Variants in NCKAP1 observed in about 807,000 individuals in gnomAD.
NCKAP1 encodes nck-associated protein 1.
NCKAP1 carries 21 observed loss-of-function variants against 151.2 expected under a neutral mutation model. The observed-to-expected ratio is 0.14, with a 90% confidence interval of 0.10 to 0.20. NCKAP1 has a LOEUF of 0.20. Among genes scored for constraint, NCKAP1 ranks in the 10% least tolerant of loss-of-function variants. The pLI, the probability that NCKAP1 is intolerant of heterozygous loss-of-function variation, is 1.00. For missense variants in NCKAP1, 933 were observed against 1,352.1 expected (o/e 0.69, Z 4.86); for synonymous variants, 484 against 451.8 (o/e 1.07, Z -0.90).
At position 182,910,543 on chromosome 2, in the gene NCKAP1, C is replaced by G. The variant is rs981500084; in HGVS notation, c.*15159G>C. 2.6e-4 allele frequency: 39 copies of G among 152,196 alleles called. No homozygotes were observed. The highest frequency in any genetic ancestry group is 8.9e-4 in the African/African-American group (37 of 41,426). 9.4% of individuals were successfully genotyped at this position (152,196 alleles called of 1,614,324 possible). A position where few individuals can be genotyped will look rare whatever the true frequency, so the allele number is the denominator to read the frequency against. On this transcript the variant is annotated 3_prime_UTR_variant, in exon 31 of 31. Transcript: ENST00000361354. ...GGAACTGCAAAGGAGAATCTCAGCT[C>G]TAGGAGAGCCTCAGACCATTCAGGA...
intron 16 of NCKAP1, among the ~76,000 whole-genome samples, chr2:182,965,027 T>G (rs927316838): frequency 6.6e-6 from 1 of 152,024 alleles, no homozygotes. Flanking sequence ...TAAAAAATAA[T>G]AAACCATAAT....
chr2:182,925,541 G>A lies in NCKAP1; in HGVS notation c.*161C>T, dbSNP rs1450447029. Reference sequence around the variant, plus strand: ...ACCTAAATCAACCAAGTATACTGTAGTACAACCATATTAAGAAACCAATGA... The same window carrying A: ...ACCTAAATCAACCAAGTATACTGTAATACAACCATATTAAGAAACCAATGA... On this transcript the variant is annotated 3_prime_UTR_variant, in exon 31 of 31. Transcript: ENST00000361354. 2.3e-6 allele frequency: 1 copy of A among 427,268 alleles called. No homozygotes were observed. Among genetic ancestry groups the A allele is most frequent in the African/African-American group, 2.1e-5 (1 of 48,262 alleles). The allele number at this position is 427,268 out of a possible 1,614,324, so 26.5% of individuals were successfully genotyped here. A position where few individuals can be genotyped will look rare whatever the true frequency, so the allele number is the denominator to read the frequency against.
intron 1 of NCKAP1, among the ~76,000 whole-genome samples, chr2:183,031,405 C>T (rs569053415): frequency 4.6e-5 from 7 of 152,170 alleles, no homozygotes; most frequent in Admixed American, 2.0e-4. Flanking sequence ...CATACCTTTG[C>T]GGTTAAAAAG....
At chr2:182,957,816 T>A (rs1389704052) in intron 18 of NCKAP1, among the ~76,000 whole-genome samples, 4 of 151,478 alleles carry the variant, frequency 2.6e-5, no homozygotes, top group Non-Finnish European at 5.9e-5. Flanking sequence ...AAATCTTGTG[T>A]GAAGAAACAC....
chr2:182,920,546 G>A lies in NCKAP1; in HGVS notation c.*5156C>T, dbSNP rs138222282. ...ATTTGTTACTATAAAAAAACTTCTTGCTTATAGTTCTGGAGGCTGGGAAGC... is the reference window on the plus strand; with the variant it reads ...ATTTGTTACTATAAAAAAACTTCTTACTTATAGTTCTGGAGGCTGGGAAGC... On this transcript the variant is annotated 3_prime_UTR_variant, in exon 31 of 31. Coordinates refer to ENST00000361354, the MANE Select transcript of NCKAP1 (RefSeq NM_013436.5). The A allele has an allele frequency of 1.7e-4, 26 of 152,282 alleles. No homozygotes were observed. The East Asian group carries it at 4.8e-3, about 28-fold the overall frequency. 9.4% of individuals were successfully genotyped at this position (152,282 alleles called of 1,614,324 possible).
chr2:182,961,339 C>G lies in NCKAP1; in HGVS notation c.1881+820G>C, dbSNP rs538683159. ...AAAGACTTGGAACCAACCCAAAGGT[C>G]CAACAATGATAGACTGGATTAAGAA... On this transcript the variant is annotated intron_variant, in intron 18 of 30. Transcript: ENST00000361354. 9.8e-5 allele frequency among the ~76,000 whole-genome samples: 15 copies of G among 152,292 alleles called. No individual in the cohort carries two copies. In the South Asian group the frequency reaches 2.9e-3, roughly 29 times the overall value.
At chr2:182,995,616 G>C in intron 7 of NCKAP1, 85 bp downstream of exon 7, 1 of 1,293,442 alleles carries the variant, frequency 7.7e-7, no homozygotes, top group Non-Finnish European at 1.1e-6. Context: ...ATGCTAATTA[G>C]AAACAAACAG....
chr2:183,002,262 T>C lies in NCKAP1; in HGVS notation c.377A>G (p.Asn126Ser). The C allele has an allele frequency of 6.5e-7, 1 of 1,532,104 alleles. No individual in the cohort carries two copies. The highest frequency in any genetic ancestry group is 8.9e-7 in the Non-Finnish European group (1 of 1,119,016). The allele number at this position is 1,532,104 out of a possible 1,614,324, so 94.9% of individuals were successfully genotyped here. A position where few individuals can be genotyped will look rare whatever the true frequency, so the allele number is the denominator to read the frequency against. Residue 126 changes from asparagine to serine, a missense_variant, in exon 5 of 31, where the codon AAC (asparagine) becomes AGC (serine). Physicochemically the swap from Asn to Ser is conservative, Grantham distance 46 (BLOSUM62 1). Coordinates refer to ENST00000361354, the MANE Select transcript of NCKAP1 (RefSeq NM_013436.5). ...TAAGTAGTTCTTTGTTAAATCAAAG[T>C]TTACAGTCTAGGAGAAAAAAAAATC... ...VCQVFFDITV[N>S]FDLTKNYLDL...
In NCKAP1 at chr2:183,038,078, G is replaced by C. The variant is rs781626462; in HGVS notation, c.22C>G (p.Pro8Ala). The C allele has an allele frequency of 6.3e-7, 1 of 1,580,938 alleles. No individual in the cohort carries two copies. The highest frequency in any genetic ancestry group is 8.5e-7 in the Non-Finnish European group (1 of 1,171,712). Residue 8 changes from proline (P) to alanine (A), a missense_variant, in exon 1 of 31, where the codon CCC becomes GCC. By Grantham distance (27) the Pro-to-Ala change is conservative. Around this residue, in one of 2 missense-constraint regions of NCKAP1, gnomAD observed 607 missense variants for 795.0 expected, o/e 0.76. Coordinates refer to ENST00000361354, the MANE Select transcript of NCKAP1 (RefSeq NM_013436.5). MSRSVLQ[P>A]SQQKLAEKLT... is the part of the protein sequence containing the mutation. Reference sequence around the variant, plus strand: ...TTCTCCGCCAGCTTCTGCTGACTGGGCTGCAGCACTGAGCGCGACATGGTG... The same window carrying C: ...TTCTCCGCCAGCTTCTGCTGACTGGCCTGCAGCACTGAGCGCGACATGGTG...
chr2:182,983,987 T>C (rs537306665), intron 10 of NCKAP1, among the ~76,000 whole-genome samples: 243 of 150,462 alleles, frequency 1.6e-3, no homozygotes, highest in South Asian at 0.01. Context: ...GCTGAGATCA[T>C]GCCACTGCAC....
At chr2:182,983,820 C>T (rs1575046808) in intron 10 of NCKAP1, among the ~76,000 whole-genome samples, 2 of 152,096 alleles carry the variant, frequency 1.3e-5, no homozygotes, top group South Asian at 4.2e-4. Flanking sequence ...ACTGCGTGAG[C>T]TCAGGAGTTC....
At chr2:183,037,354 A>G (rs1699122653) in intron 1 of NCKAP1, among the ~76,000 whole-genome samples, 1 of 152,200 alleles carries the variant, frequency 6.6e-6, no homozygotes, top group Admixed American at 6.5e-5. Flanking sequence ...CTCACAGCCT[A>G]GAAGTATTTC....
intron 23 of NCKAP1, among the ~76,000 whole-genome samples, chr2:182,950,057 T>G (rs1375411836): frequency 2.0e-5 from 3 of 152,116 alleles, no homozygotes; most frequent in Non-Finnish European, 2.9e-5. Flanking sequence ...CGGTGACATA[T>G]GAAAAATACA....
chr2:182,967,411 C>T (rs747938169), intron 15 of NCKAP1, 50 bp from the exon 16 acceptor site: 20 of 1,487,628 alleles, frequency 1.3e-5, no homozygotes, highest in East Asian at 6.8e-5. Context: ...TAAATGACTT[C>T]GGACTTGTCA....
At chr2:182,953,529 G>A (rs2105823361) in intron 20 of NCKAP1, among the ~76,000 whole-genome samples, 198 bp from the exon 21 acceptor site, 1 of 152,336 alleles carries the variant, frequency 6.6e-6, no homozygotes, top group African/African-American at 2.4e-5. Context: ...CGGGCATGGT[G>A]GTTCACGCCT....
In NCKAP1 at chr2:182,923,697, G is replaced by C. The variant is rs1386280604; in HGVS notation, c.*2005C>G. ...TGTATGGTATGATCACATTAATGTAGAGAAAACAACAAAAATAGTATGTTG... is the reference window on the plus strand; with the variant it reads ...TGTATGGTATGATCACATTAATGTACAGAAAACAACAAAAATAGTATGTTG... On this transcript the variant is annotated 3_prime_UTR_variant, in exon 31 of 31. Coordinates refer to ENST00000361354, the MANE Select transcript of NCKAP1 (RefSeq NM_013436.5). 6.6e-6 allele frequency: 1 copy of C among 152,184 alleles called. No homozygotes were observed. The highest frequency in any genetic ancestry group is 1.9e-4 in the East Asian group (1 of 5,206). The allele number at this position is 152,184 out of a possible 1,614,324, so 9.4% of individuals were successfully genotyped here.
At chr2:183,024,007 T>A in intron 1 of NCKAP1, 91 bp from the exon 2 acceptor site, 1 of 1,032,134 alleles carries the variant, frequency 9.7e-7, no homozygotes, top group East Asian at 2.4e-5. Flanking sequence ...AAAGAGATAT[T>A]TATTGTTTTT....
intron 1 of NCKAP1, among the ~76,000 whole-genome samples, chr2:183,030,412 T>C (rs1256690976): frequency 6.6e-6 from 1 of 152,182 alleles, no homozygotes; most frequent in Admixed American, 6.5e-5. Flanking sequence ...TATTTTCTAG[T>C]ACAATAATTG....
intron 15 of NCKAP1, among the ~76,000 whole-genome samples, chr2:182,975,691 AGGCCAGG>A (rs760383218): frequency 1.3e-4 from 20 of 152,172 alleles, no homozygotes; most frequent in Non-Finnish European, 2.4e-4. Context: ...AAGATCACCG[AGGCCAGG>A]AGTCTGAGAT....
Sources: gnomAD v4.1 joint callset for allele counts (sites outside exome capture counted in the v4.1 genomes callset) on GRCh38, gnomAD v4.1.1 for gene constraint, gnomAD v4.1.1 regional missense constraint, MANE v1.5 for transcripts, NCBI Gene and HGNC (gene_info 2026-07-23, HGNC 2026-07-21) for gene names.